Variants in CABLES1 observed in about 807,000 individuals in gnomAD.
CABLES1 encodes CDK5 and ABL1 enzyme substrate 1.
Under a neutral mutation model 57.8 loss-of-function variants are expected in CABLES1, and 36 were observed. The observed-to-expected ratio is 0.62, with a 90% CI of 0.48 to 0.82. The LOEUF (loss-of-function observed/expected upper bound fraction) is 0.82, where lower values mean the gene tolerates loss of function less well. Among genes scored for constraint, CABLES1 ranks in the 40% least tolerant of loss-of-function variants. The pLI, the probability that CABLES1 is intolerant of heterozygous loss-of-function variation, is 0.00. For missense variants in CABLES1, 767 were observed against 836.6 expected, an observed-to-expected ratio of 0.92 and a Z score of 1.03; for synonymous variants, 374 against 363.0, an observed-to-expected ratio of 1.03 and a Z score of -0.35.
Position 23,246,529 on chromosome 18 carries a change from C to T in CABLES1, c.1447-6431C>T, listed in dbSNP as rs1396609953. 5.9e-5 allele frequency among the ~76,000 whole-genome samples: 9 copies of T among 151,972 alleles called. No homozygotes were observed. In the East Asian group the frequency reaches 1.6e-3, roughly 26 times the overall value. On this transcript the variant is annotated intron_variant, in intron 7 of 9. Coordinates refer to ENST00000256925, the MANE Select transcript of CABLES1 (RefSeq NM_001100619.3). ...GCGTCAGCCTCCCAAGTAGCTGGGA[C>T]TACAGGCACCCGCCACCACACCCGG...
At chr18:23,200,991 T>G (rs1430583434) in intron 3 of CABLES1, among the ~76,000 whole-genome samples, 2 of 152,190 alleles carry the variant, frequency 1.3e-5, no homozygotes, top group South Asian at 2.1e-4. Context: ...TTTGAGTGAT[T>G]GGCGTAAAGG....
At chr18:23,199,973 A>G (rs1355954347) in intron 3 of CABLES1, among the ~76,000 whole-genome samples, 1 of 152,222 alleles carries the variant, frequency 6.6e-6, no homozygotes, top group East Asian at 1.9e-4. Flanking sequence ...GGTTCAGCAG[A>G]TGTCAGCTGC....
intron 3 of CABLES1, among the ~76,000 whole-genome samples, chr18:23,206,160 G>A (rs1270997079): frequency 6.6e-6 from 1 of 152,020 alleles, no homozygotes; most frequent in Non-Finnish European, 1.5e-5. Flanking sequence ...CCTGCCCACC[G>A]TCCTCCCGCC....
In CABLES1 at chr18:23,136,395, C is replaced by G. The variant is rs773037472; in HGVS notation, c.633C>G (p.Asp211Glu). 1 of 1,583,644 alleles carries G rather than the reference C, an allele frequency of 6.3e-7. No homozygotes were observed. Among genetic ancestry groups the G allele is most frequent in the South Asian group, 1.1e-5 (1 of 87,076 alleles). The change falls in exon 1 of 10, where the codon GAC (aspartate) becomes GAG (glutamate). Residue 211 changes from aspartate (D) to glutamate (E), a missense_variant. By Grantham distance (45) the Asp-to-Glu change is conservative (BLOSUM62 2). Coordinates refer to ENST00000256925, the MANE Select transcript of CABLES1 (RefSeq NM_001100619.3). ...GAAGQEELEEDDAFISVQVPA... is the reference protein window; with the variant it reads ...GAAGQEELEEEDAFISVQVPA... ...CCGGGCAGGAGGAGTTGGAGGAGGA[C>G]GATGCCTTTATCAGCGTGCAGGTGC...
chr18:23,222,344 T>C (rs866401982), intron 4 of CABLES1, among the ~76,000 whole-genome samples: 15 of 151,886 alleles, frequency 9.9e-5, no homozygotes, highest in African/African-American at 3.6e-4. Context: ...GCTTATAATA[T>C]ACATTTTAAC....
chr18:23,184,308 C>CGTGTGTGTGTGTGTGTGT (rs61158856), intron 1 of CABLES1, among the ~76,000 whole-genome samples: 20 of 146,426 alleles, frequency 1.4e-4, no homozygotes, highest in African/African-American at 5.0e-4. Flanking sequence ...CATACTGGCA[C>CGTGTGTGTGTGTGTGTGT]GTGTGTGTGT....
At chr18:23,166,850 T>C (rs189217785) in intron 1 of CABLES1, among the ~76,000 whole-genome samples, 13 of 152,316 alleles carry the variant, frequency 8.5e-5, no homozygotes, top group African/African-American at 2.9e-4. Context: ...GAGTGCTCCA[T>C]TCATAAGAGC....
intron 3 of CABLES1, among the ~76,000 whole-genome samples, chr18:23,200,765 G>C (rs542546456): frequency 6.2e-4 from 95 of 152,324 alleles, no homozygotes; most frequent in African/African-American, 2.2e-3. Flanking sequence ...TATCTAGATT[G>C]CGGCAAAATG....
At chr18:23,180,365 G>A (rs778204262) in intron 1 of CABLES1, among the ~76,000 whole-genome samples, 2 of 152,170 alleles carry the variant, frequency 1.3e-5, no homozygotes, top group Non-Finnish European at 2.9e-5. Context: ...TGATGGTGCT[G>A]TGGCAGTCAA....
At chr18:23,241,226 T>TA (rs1255737749) in intron 7 of CABLES1, among the ~76,000 whole-genome samples, 1 of 152,042 alleles carries the variant, frequency 6.6e-6, no homozygotes, top group Admixed American at 6.6e-5. Flanking sequence ...TTTTTTTTTT[T>TA]AATTGCTGAG....
intron 3 of CABLES1, among the ~76,000 whole-genome samples, chr18:23,203,730 C>T (rs1033468923): frequency 6.6e-6 from 1 of 152,104 alleles, no homozygotes; most frequent in African/African-American, 2.4e-5. Context: ...CGTTACCAGC[C>T]CCGGACTGGC....
At chr18:23,245,014 G>A (rs1403722153) in intron 7 of CABLES1, among the ~76,000 whole-genome samples, 1 of 152,222 alleles carries the variant, frequency 6.6e-6, no homozygotes. Context: ...CCAACAACCT[G>A]TCTGCTCTGA....
At chr18:23,145,444 C>T (rs1257933926) in intron 1 of CABLES1, among the ~76,000 whole-genome samples, 2 of 152,114 alleles carry the variant, frequency 1.3e-5, no homozygotes, top group Admixed American at 6.5e-5. Context: ...CAAAATGTCG[C>T]TATCAAAGGA....
At chr18:23,173,928 A>T (rs1252607835) in intron 1 of CABLES1, among the ~76,000 whole-genome samples, 2 of 152,232 alleles carry the variant, frequency 1.3e-5, no homozygotes, top group Non-Finnish European at 2.9e-5. Context: ...GCACCACTGC[A>T]CTCCAGCCTG....
At chr18:23,151,547 G>A (rs943483100) in intron 1 of CABLES1, among the ~76,000 whole-genome samples, 1 of 152,224 alleles carries the variant, frequency 6.6e-6, no homozygotes, top group African/African-American at 2.4e-5. Context: ...CATTGGTGGA[G>A]CTTTTGTCTA....
At chr18:23,164,315 T>A (rs2047025539) in intron 1 of CABLES1, among the ~76,000 whole-genome samples, 1 of 152,196 alleles carries the variant, frequency 6.6e-6, no homozygotes, top group Non-Finnish European at 1.5e-5. Flanking sequence ...GGTTGGTCCC[T>A]CCTCGGGTCG....
In CABLES1 at chr18:23,216,363, C is replaced by T. The variant is rs960679287; in HGVS notation, c.1088+2309C>T. Among the ~76,000 whole-genome samples the T allele has an allele frequency of 2.0e-5, 3 of 152,234 alleles. No homozygotes were observed. The South Asian group carries it at 6.2e-4, about 32-fold the overall frequency. On this transcript the variant is annotated intron_variant, in intron 4 of 9. Transcript: ENST00000256925. ...TAAGTTTTTCCATGACCCACACTGG[C>T]AGACAGGCAAGATAAGTTCTGTATC...
chr18:23,159,146 G>A (rs1019578370), intron 1 of CABLES1, among the ~76,000 whole-genome samples: 8 of 152,156 alleles, frequency 5.3e-5, no homozygotes, highest in African/African-American at 9.7e-5. Flanking sequence ...TGTATTTCTA[G>A]TAGAGAAAGG....
intron 7 of CABLES1, among the ~76,000 whole-genome samples, chr18:23,251,080 C>T (rs1409685836): frequency 3.3e-5 from 5 of 152,192 alleles, no homozygotes; most frequent in Admixed American, 6.5e-5. Context: ...ATGGGCTTTG[C>T]GGGCATGAGT....
Sources: allele counts gnomAD v4.1 joint callset (sites outside exome capture counted in the v4.1 genomes callset), GRCh38; gene constraint gnomAD v4.1.1; transcripts MANE v1.5; gene names NCBI Gene and HGNC (gene_info 2026-07-23, HGNC 2026-07-21).